Variants in SERPINB12 observed in about 807,000 individuals in gnomAD.
The protein encoded by SERPINB12 is serpin B12.
Under a neutral mutation model 41.1 loss-of-function variants are expected in SERPINB12, and 57 were observed. The observed-to-expected ratio is 1.39, with a 90% CI of 1.12 to 1.73. SERPINB12 has a LOEUF of 1.73. SERPINB12 is among the 40% of genes most tolerant of loss of function. The pLI is 0.00. For synonymous variants in SERPINB12, 180 were observed against 181.3 expected (o/e 0.99, Z 0.06); for missense variants, 536 against 501.9 (o/e 1.07, Z -0.65).
At chr18:63,560,390 G>A (rs1175705952) in intron 4 of SERPINB12, among the ~76,000 whole-genome samples, 1 of 152,214 alleles carries the variant, frequency 6.6e-6, no homozygotes, top group African/African-American at 2.4e-5. Context: ...CTAGCCAGGG[G>A]TTGGGTGGCC....
chr18:63,563,769 G>C (rs1331575635), intron 5 of SERPINB12, among the ~76,000 whole-genome samples: 1 of 152,042 alleles, frequency 6.6e-6, no homozygotes, highest in African/African-American at 2.4e-5. Context: ...GGTGGCGGGC[G>C]CCTGTAATCC....
chr18:63,557,533 A>G (rs914644513), intron 2 of SERPINB12, among the ~76,000 whole-genome samples: 37 of 152,334 alleles, frequency 2.4e-4, no homozygotes, highest in African/African-American at 8.7e-4. Context: ...AGTAGAATTT[A>G]TGGATTAAGA....
chr18:63,547,204 G>A (rs1295245299), intron 1 of SERPINB12, among the ~76,000 whole-genome samples: 3 of 152,124 alleles, frequency 2.0e-5, no homozygotes, highest in African/African-American at 7.2e-5. Flanking sequence ...GATGCCTGAT[G>A]TATATGATTG....
chr18:63,554,451 A>G (rs1316865266), intron 1 of SERPINB12, among the ~76,000 whole-genome samples: 5 of 152,226 alleles, frequency 3.3e-5, no homozygotes, highest in Non-Finnish European at 7.3e-5. Flanking sequence ...GGAAAGTGTT[A>G]AAACAAATTA....
chr18:63,548,849 T>A (rs548497466), intron 1 of SERPINB12, among the ~76,000 whole-genome samples: 1 of 152,212 alleles, frequency 6.6e-6, no homozygotes, highest in Non-Finnish European at 1.5e-5. Flanking sequence ...CATCTGTAAC[T>A]TTTGGCTGAC....
At chr18:63,537,792 T>C (rs2038921257), upstream of SERPINB12, among the ~76,000 whole-genome samples, 1 of 152,200 alleles carries the variant, frequency 6.6e-6, no homozygotes, top group African/African-American at 2.4e-5. Flanking sequence ...TAATGACTAA[T>C]CTTCAGAAAC....
At position 63,561,663 on chromosome 18, in the gene SERPINB12, G is replaced by A. The variant is rs113074141; in HGVS notation, c.562+461G>A. Among the ~76,000 whole-genome samples, 80 of 152,280 alleles carry A rather than the reference G, an allele frequency of 5.3e-4. 2 individuals are homozygous for A. Among genetic ancestry groups the A allele is most frequent in the African/African-American group, 1.8e-3 (74 of 41,552 alleles). The stretch of plus-strand genomic sequence containing the variant: ...CTAAGTGTCCATCAATAGTGGGTTG[G>A]ATAAAGAAAATGTGGTACATATACA... On this transcript the variant is annotated intron_variant, in intron 5 of 7. Coordinates refer to ENST00000382768, the MANE Select transcript of SERPINB12 (RefSeq NM_001307928.2).
chr18:63,560,912 G>T (rs199808753), intron 4 of SERPINB12, among the ~76,000 whole-genome samples, 173 bp from the exon 5 acceptor site: 1 of 152,184 alleles, frequency 6.6e-6, no homozygotes, highest in South Asian at 2.1e-4. Context: ...AAACTGAAAT[G>T]TCTCTGGCTA....
At position 63,567,927 on chromosome 18, in the gene SERPINB12, C is replaced by T. The variant is rs561782186; in HGVS notation, c.*916C>T. The stretch of plus-strand genomic sequence containing the variant: ...GCCTTCTGGCCACGTGGAGGCTGGC[C>T]TCTGTGTGCCCCTCTCTCTGCCTTC... On this transcript the variant is annotated 3_prime_UTR_variant, in exon 8 of 8. Transcript: ENST00000382768. 8.3e-5 allele frequency among the ~76,000 whole-genome samples: 12 copies of T among 143,980 alleles called. No homozygotes were observed. Among genetic ancestry groups the T allele is most frequent in the Admixed American group, 6.7e-4 (10 of 14,928 alleles). The allele number at this position is 143,980 out of a possible 152,430, so 94.5% of individuals were successfully genotyped here.
At chr18:63,555,828 T>C (rs1910653833) in intron 1 of SERPINB12, among the ~76,000 whole-genome samples, 1 of 152,146 alleles carries the variant, frequency 6.6e-6, no homozygotes, top group African/African-American at 2.4e-5. Context: ...TCTGCTGATA[T>C]CTTGATTTTG....
At chr18:63,557,601 T>G (rs753805189) in intron 2 of SERPINB12, among the ~76,000 whole-genome samples, 3 of 152,238 alleles carry the variant, frequency 2.0e-5, no homozygotes, top group Non-Finnish European at 4.4e-5. Flanking sequence ...TGGTGTATTA[T>G]TTTCTTATTC....
chr18:63,520,514 T>C, the SERPINB12 span, among the ~76,000 whole-genome samples: 1 of 152,160 alleles, frequency 6.6e-6, no homozygotes, highest in African/African-American at 2.4e-5. Flanking sequence ...TCCTTCATGC[T>C]GGCTGAGGAG....
At chr18:63,543,295 T>C (rs1275723976) in intron 1 of SERPINB12, among the ~76,000 whole-genome samples, 2 of 152,314 alleles carry the variant, frequency 1.3e-5, no homozygotes, top group African/African-American at 4.8e-5. Flanking sequence ...GGCAGTCCCC[T>C]TTACTAAAGG....
At chr18:63,555,413 C>T (rs1910641604) in intron 1 of SERPINB12, among the ~76,000 whole-genome samples, 1 of 152,140 alleles carries the variant, frequency 6.6e-6, no homozygotes, top group Non-Finnish European at 1.5e-5. Context: ...TGCTTGGCTG[C>T]TAACTTGATA....
Position 63,559,560 on chromosome 18 carries a change from T to C in SERPINB12, c.304-18T>C. 6.2e-7 allele frequency: 1 copy of C among 1,613,500 alleles called. No individual in the cohort carries two copies. The highest frequency in any genetic ancestry group is 8.5e-7 in the Non-Finnish European group (1 of 1,179,666). The stretch of plus-strand genomic sequence containing the variant: ...GATAGACACAGTGAAGGTCACATTT[T>C]GTTTCTTCTTTCCTTAGGCTGGGTC... On this transcript the variant is annotated intron_variant, in intron 3 of 7. Coordinates refer to ENST00000382768, the MANE Select transcript of SERPINB12 (RefSeq NM_001307928.2).
chr18:63,561,202 G>A lies in SERPINB12; in HGVS notation c.562G>A (p.Gly188Ser), dbSNP rs1248899763. 2 of 1,588,598 alleles carry A rather than the reference G, an allele frequency of 1.3e-6. No individual in the cohort carries two copies. Among genetic ancestry groups the A allele is most frequent in the Non-Finnish European group, 1.7e-6 (2 of 1,158,132 alleles). The part of the protein sequence containing the change: ...INFWVECQSQ[G>S]KIKELFSKDA... ...CTTCTGGGTTGAATGTCAATCCCAA[G>A]GTAAGAAAGCCCAAAAGCACGGGAG... The change falls in exon 5 of 8, where the codon GGT becomes AGT. Residue 188 changes from glycine to serine, a missense_variant and splice_region_variant. Gly to Ser is a moderately conservative substitution (Grantham distance 56). Coordinates refer to ENST00000382768, the MANE Select transcript of SERPINB12 (RefSeq NM_001307928.2).
At chr18:63,560,065 C>G (rs993925771) in intron 4 of SERPINB12, among the ~76,000 whole-genome samples, 1 of 152,300 alleles carries the variant, frequency 6.6e-6, no homozygotes, top group South Asian at 2.1e-4. Flanking sequence ...CTTCTCTCTC[C>G]CTTATCTGTT....
At chr18:63,560,452 T>C (rs531192484) in intron 4 of SERPINB12, among the ~76,000 whole-genome samples, 4 of 152,382 alleles carry the variant, frequency 2.6e-5, no homozygotes, top group East Asian at 3.9e-4. Flanking sequence ...AGATTTTTCA[T>C]GCTGGATTTT....
upstream of SERPINB12, among the ~76,000 whole-genome samples, chr18:63,540,401 C>G (rs147634543): frequency 6.6e-6 from 1 of 152,202 alleles, no homozygotes; most frequent in African/African-American, 2.4e-5. Context: ...CCTAGATATT[C>G]TATGCTAAGG....
Sources: gnomAD v4.1 joint callset for allele counts (sites outside exome capture counted in the v4.1 genomes callset) on GRCh38, gnomAD v4.1.1 for gene constraint, MANE v1.5 for transcripts, NCBI Gene and HGNC (gene_info 2026-07-23, HGNC 2026-07-21) for gene names.